AFF2: variants seen among roughly 807,000 people sequenced by gnomAD.
AFF2 encodes the protein ALF transcription elongation factor 2.
Under a neutral mutation model 76.9 loss-of-function variants are expected in AFF2, and 14 were observed. The observed-to-expected ratio is 0.18, with a 90% CI of 0.12 to 0.28. AFF2 has a LOEUF of 0.28. Ranked by LOEUF, AFF2 falls within the 10% of genes least tolerant of loss-of-function variation. The pLI, the probability that AFF2 is intolerant of heterozygous loss-of-function variation, is 1.00. For missense variants in AFF2, 868 were observed against 1,001.1 expected (o/e 0.87, Z 1.79); for synonymous variants, 398 against 366.7 (o/e 1.09, Z -0.98).
chrX:148,892,205 G>C (rs1557279813), intron 8 of AFF2, among the ~76,000 whole-genome samples: 1 of 111,808 alleles, frequency 8.9e-6, no homozygotes, highest in Non-Finnish European at 1.9e-5. Flanking sequence ...TTAATTGAAA[G>C]CATATTAATT....
chrX:148,574,609 TCTTA>T (rs1476453601), intron 1 of AFF2, among the ~76,000 whole-genome samples: 1 of 111,374 alleles, frequency 9.0e-6, no homozygotes, highest in African/African-American at 3.3e-5. Flanking sequence ...TGACTGAGGA[TCTTA>T]CTTCTGGAGG....
At chrX:148,795,010 CATTTT>C (rs1228116776) in intron 3 of AFF2, among the ~76,000 whole-genome samples, 2 of 112,005 alleles carry the variant, frequency 1.8e-5, no homozygotes, top group African/African-American at 6.5e-5. Flanking sequence ...AAATGAAACT[CATTTT>C]ATCTTATTTG....
chrX:148,929,078 T>C (rs1326714824), intron 9 of AFF2, among the ~76,000 whole-genome samples: 1 of 112,400 alleles, frequency 8.9e-6, no homozygotes, highest in Admixed American at 9.4e-5. Context: ...CCTCTTAGAC[T>C]GGAGGCAGGA....
intron 9 of AFF2, among the ~76,000 whole-genome samples, chrX:148,922,910 A>G (rs1371736013): frequency 8.9e-6 from 1 of 111,989 alleles, no homozygotes; most frequent in African/African-American, 3.2e-5. Context: ...GATAACATTC[A>G]TTATTCATTG....
At chrX:148,531,486 C>A (rs1404692504) in intron 1 of AFF2, among the ~76,000 whole-genome samples, 5 of 112,123 alleles carry the variant, frequency 4.5e-5, no homozygotes, top group African/African-American at 1.6e-4. Flanking sequence ...AATATGCATT[C>A]ATTTGTGCAT....
intron 1 of AFF2, among the ~76,000 whole-genome samples, chrX:148,649,517 T>A (rs1557256063): frequency 8.9e-6 from 1 of 112,390 alleles, no homozygotes; most frequent in African/African-American, 3.2e-5. Context: ...AATTAACTGT[T>A]CTTTGTCGGA....
chrX:148,956,887 G>A (rs1557287475), intron 11 of AFF2, among the ~76,000 whole-genome samples: 3 of 113,039 alleles, frequency 2.7e-5, no homozygotes, highest in South Asian at 7.2e-4. Flanking sequence ...CCTTACTTAG[G>A]CAAGGCACGC....
At chrX:148,765,924 A>C (rs1248719442) in intron 3 of AFF2, among the ~76,000 whole-genome samples, 5 of 91,807 alleles carry the variant, frequency 5.4e-5, no homozygotes, top group African/African-American at 1.3e-4. Flanking sequence ...CTCATTGTTC[A>C]ATTCCCACCT....
intron 1 of AFF2, among the ~76,000 whole-genome samples, chrX:148,521,639 T>C (rs920500751): frequency 1.8e-5 from 2 of 111,867 alleles, no homozygotes; most frequent in Non-Finnish European, 3.8e-5. Context: ...AAAATGCCAA[T>C]CATCAGATTT....
At chrX:148,750,260 C>T (rs1302878985) in intron 3 of AFF2, among the ~76,000 whole-genome samples, 1 of 110,946 alleles carries the variant, frequency 9.0e-6, no homozygotes, top group African/African-American at 3.3e-5. Flanking sequence ...GGAGCCACTG[C>T]GCCCAGCCGC....
intron 1 of AFF2, among the ~76,000 whole-genome samples, chrX:148,619,104 ATTCATCTTCAAAATCCCTCAAACTGG>A (rs1445932347): frequency 9.0e-6 from 1 of 111,450 alleles, no homozygotes; most frequent in East Asian, 2.8e-4. Context: ...ATGACCTATT[ATTCATCTTCAAAATCCCTCAAACTGG>A]CAGTTTTGAA....
At chrX:148,785,610 C>A (rs186010042) in intron 3 of AFF2, among the ~76,000 whole-genome samples, 1 of 111,156 alleles carries the variant, frequency 9.0e-6, no homozygotes, top group Non-Finnish European at 1.9e-5. Flanking sequence ...AGATATGTTC[C>A]CCAAATTTTA....
chrX:148,799,424 A>G (rs1557270770), intron 3 of AFF2, among the ~76,000 whole-genome samples: 1 of 112,196 alleles, frequency 8.9e-6, no homozygotes, highest in African/African-American at 3.2e-5. Context: ...TGATGACCTG[A>G]AAATGGAGGT....
rs782764720 is a variant in AFF2 at position 148,557,707 on chromosome X, G to A, written c.47+56563G>A. Among the ~76,000 whole-genome samples, 87 of 112,237 alleles carry A rather than the reference G, an allele frequency of 7.8e-4. 2 individuals carry two copies. The highest frequency in any genetic ancestry group is 5.1e-4 in the Non-Finnish European group (27 of 53,210). Reference sequence around the variant, plus strand: ...CATTCAAACTACAACAACCTGTCACGTATAATAAAGGCATTTCCTAAATCT... The same window carrying A: ...CATTCAAACTACAACAACCTGTCACATATAATAAAGGCATTTCCTAAATCT... On this transcript the variant is annotated intron_variant, in intron 1 of 20. Coordinates refer to ENST00000370460, the MANE Select transcript of AFF2 (RefSeq NM_002025.4).
At chrX:148,986,854 G>T (rs1349092040) in intron 19 of AFF2, among the ~76,000 whole-genome samples, 1 of 112,723 alleles carries the variant, frequency 8.9e-6, no homozygotes, top group Admixed American at 9.3e-5. Context: ...CACAACACTT[G>T]TTATATGTAT....
intron 2 of AFF2, among the ~76,000 whole-genome samples, chrX:148,660,056 A>G (rs782508696): frequency 3.6e-5 from 4 of 112,165 alleles, no homozygotes; most frequent in Non-Finnish European, 5.6e-5. Flanking sequence ...TAAAATTGAC[A>G]TATAGTTATT....
rs184167873 is a variant in AFF2 at position 148,764,855 on chromosome X, A to G, written c.1042-45021A>G. Among the ~76,000 whole-genome samples the G allele has an allele frequency of 1.1e-3, 118 of 111,975 alleles. 3 individuals are homozygous for G. The East Asian group carries it at 0.029, about 27-fold the overall frequency. ...AAGGGAAAATGCGCATCCCATTGAC[A>G]AATTCTTTTTGAAATATTTCTTCCC... On this transcript the variant is annotated intron_variant, in intron 3 of 20. Transcript: ENST00000370460.
At chrX:148,741,685 A>T (rs2055356754) in intron 3 of AFF2, among the ~76,000 whole-genome samples, 1 of 110,784 alleles carries the variant, frequency 9.0e-6, no homozygotes, top group African/African-American at 3.3e-5. Flanking sequence ...AAATTGTTAC[A>T]AAGTCCAGCT....
chrX:148,912,764 G>A (rs1557282114), intron 9 of AFF2, among the ~76,000 whole-genome samples: 1 of 111,874 alleles, frequency 8.9e-6, no homozygotes. Flanking sequence ...TAAATGCCCT[G>A]AGACACAGTC....
Sources: allele counts gnomAD v4.1 joint callset (sites outside exome capture counted in the v4.1 genomes callset), GRCh38; gene constraint gnomAD v4.1.1; transcripts MANE v1.5; gene names NCBI Gene and HGNC (gene_info 2026-07-23, HGNC 2026-07-21).